Variants in CTNNBL1 observed in about 807,000 individuals in gnomAD.
The protein encoded by CTNNBL1 is catenin beta like 1.
Under a neutral mutation model 72.7 loss-of-function variants are expected in CTNNBL1, and 31 were observed. The ratio of observed to expected loss-of-function variants is 0.43; its 90% CI spans 0.32 to 0.58. The LOEUF (loss-of-function observed/expected upper bound fraction) is 0.58, where lower values mean the gene tolerates loss of function less well. Among genes scored for constraint, CTNNBL1 ranks in the 20% least tolerant of loss-of-function variants. CTNNBL1 has a pLI of 0.08. For synonymous variants in CTNNBL1, 240 were observed against 267.3 expected, an observed-to-expected ratio of 0.90 and a Z score of 1.00; for missense variants, 534 against 725.1, an observed-to-expected ratio of 0.74 and a Z score of 3.03.
At chr20:37,780,743 C>A (rs1278005279) in intron 10 of CTNNBL1, among the ~76,000 whole-genome samples, 1 of 152,176 alleles carries the variant, frequency 6.6e-6, no homozygotes, top group Non-Finnish European at 1.5e-5. Flanking sequence ...TAAGTCCTCA[C>A]TTAACATCAT....
intron 11 of CTNNBL1, chr20:37,832,385 G>T (rs1363830114): frequency 6.6e-6 from 1 of 152,182 alleles, no homozygotes; most frequent in Non-Finnish European, 1.5e-5. Flanking sequence ...CTCTTTTTCA[G>T]TACAACAGAT....
intron 11 of CTNNBL1, among the ~76,000 whole-genome samples, chr20:37,813,016 TA>T (rs397840102): frequency 2.7e-4 from 39 of 145,592 alleles, no homozygotes; most frequent in East Asian, 4.0e-4. Flanking sequence ...CAGCATGTAT[TA>T]AAAAAAAAAA....
intron 11 of CTNNBL1, among the ~76,000 whole-genome samples, chr20:37,839,307 TG>T (rs1223922600): frequency 1.3e-5 from 2 of 152,226 alleles, no homozygotes; most frequent in Non-Finnish European, 2.9e-5. Flanking sequence ...AACTGTTTGT[TG>T]TTCACACTGT....
intron 15 of CTNNBL1, among the ~76,000 whole-genome samples, chr20:37,868,879 T>C (rs919313598): frequency 1.3e-5 from 2 of 152,106 alleles, no homozygotes; most frequent in Non-Finnish European, 2.9e-5. Context: ...GAGCAAAGTG[T>C]TAGCTCAATC....
chr20:37,710,111 A>T (rs1333651790), intron 1 of CTNNBL1, among the ~76,000 whole-genome samples: 1 of 152,236 alleles, frequency 6.6e-6, no homozygotes, highest in Non-Finnish European at 1.5e-5. Flanking sequence ...GCTTTCTAAA[A>T]CATGAACATT....
chr20:37,761,710 A>G (rs2073419202), intron 5 of CTNNBL1, among the ~76,000 whole-genome samples: 1 of 152,106 alleles, frequency 6.6e-6, no homozygotes, highest in African/African-American at 2.4e-5. Context: ...TAAACAAGAA[A>G]ACTATCAGAG....
intron 4 of CTNNBL1, chr20:37,749,811 A>G (rs1395268661): frequency 2.0e-5 from 3 of 152,132 alleles, no homozygotes; most frequent in Non-Finnish European, 4.4e-5. Flanking sequence ...TCCCTGCAAC[A>G]TTGCACTCTG....
intron 1 of CTNNBL1, among the ~76,000 whole-genome samples, chr20:37,710,253 A>C (rs1006332114): frequency 6.6e-6 from 1 of 152,108 alleles, no homozygotes. Context: ...AATAGTAGGG[A>C]TTTTGAGTTC....
intron 13 of CTNNBL1, among the ~76,000 whole-genome samples, chr20:37,856,274 A>G (rs1164182285): frequency 1.3e-5 from 2 of 152,014 alleles, no homozygotes; most frequent in Admixed American, 1.3e-4. Context: ...AGATGAGCAC[A>G]GTACAGCTCT....
At chr20:37,758,416 T>C (rs1600469036) in intron 5 of CTNNBL1, among the ~76,000 whole-genome samples, 1 of 152,210 alleles carries the variant, frequency 6.6e-6, no homozygotes, top group Non-Finnish European at 1.5e-5. Context: ...GCAAACTGCC[T>C]TACATGTGAG....
chr20:37,816,018 TG>T (rs1284041136), intron 11 of CTNNBL1, among the ~76,000 whole-genome samples: 1 of 152,170 alleles, frequency 6.6e-6, no homozygotes, highest in Non-Finnish European at 1.5e-5. Flanking sequence ...CTTACTTGTT[TG>T]TTTTTTTTAT....
At chr20:37,758,715 T>C (rs1445299976) in intron 5 of CTNNBL1, among the ~76,000 whole-genome samples, 1 of 152,234 alleles carries the variant, frequency 6.6e-6, no homozygotes, top group Non-Finnish European at 1.5e-5. Flanking sequence ...CTTCTTCTGT[T>C]GTTTCTCTTG....
intron 13 of CTNNBL1, among the ~76,000 whole-genome samples, chr20:37,845,790 C>A (rs1195384245): frequency 6.6e-6 from 1 of 152,160 alleles, no homozygotes; most frequent in Non-Finnish European, 1.5e-5. Context: ...GAATTGAATG[C>A]TTATTTTTCA....
In CTNNBL1 at chr20:37,705,588, A is replaced by C. The variant is rs6020360; in HGVS notation, c.30+11436A>C. ...ACAGTTTGTTACCCACACATGCTAC[A>C]GTATAGAAATGTTCACAGTAGGTTA... On this transcript the variant is annotated intron_variant, in intron 1 of 15. Transcript: ENST00000361383. Among the ~76,000 whole-genome samples the C allele has an allele frequency of 4.5e-3, 687 of 152,320 alleles. 8 individuals are homozygous for C. Among genetic ancestry groups the C allele is most frequent in the East Asian group, 0.017 (89 of 5,190 alleles).
chr20:37,768,908 A>G (rs1215451907), intron 7 of CTNNBL1, among the ~76,000 whole-genome samples: 1 of 152,044 alleles, frequency 6.6e-6, no homozygotes, highest in Non-Finnish European at 1.5e-5. Flanking sequence ...CTTCCCGAGT[A>G]GCTGGGATTA....
chr20:37,719,882 C>T (rs1352908016), intron 1 of CTNNBL1, among the ~76,000 whole-genome samples: 3 of 150,514 alleles, frequency 2.0e-5, no homozygotes, highest in Non-Finnish European at 4.4e-5. Flanking sequence ...GCTCTGTTGC[C>T]CAGGCTGGAG....
chr20:37,746,644 C>T lies in CTNNBL1; in HGVS notation c.466+37C>T, dbSNP rs1052146689. The T allele has an allele frequency of 6.2e-6, 10 of 1,613,008 alleles. No homozygotes were observed. The African/African-American group carries it at 8.0e-5, about 13-fold the overall frequency. On this transcript the variant is annotated intron_variant, in intron 4 of 15. Coordinates refer to ENST00000361383, the MANE Select transcript of CTNNBL1 (RefSeq NM_030877.5). Reference sequence around the variant, plus strand: ...GATCTGACCTCAGTAGGAGAGCTGACATGGTGGGGAAGTGCTGTTACTCTT... The same window carrying T: ...GATCTGACCTCAGTAGGAGAGCTGATATGGTGGGGAAGTGCTGTTACTCTT...
rs2072477632 is a variant in CTNNBL1 at position 37,860,017 on chromosome 20, G to T, written c.1511G>T (p.Cys504Phe). The change falls in exon 14 of 16, where the codon TGC becomes TTC. Residue 504 changes from cysteine (C) to phenylalanine (F), a missense_variant. Transcript: ENST00000361383. ...ATCTGCTACATCATGGCCGAGATCT[G>T]CAATGCCAATGTCCCCCAGGTAGGA... ...QHICYIMAEI[C>F]NANVPQIRQR... The T allele has an allele frequency of 1.1e-5, 18 of 1,613,896 alleles. No homozygotes were observed. The highest frequency in any genetic ancestry group is 1.4e-5 in the Non-Finnish European group (17 of 1,179,936).
intron 2 of CTNNBL1, among the ~76,000 whole-genome samples, chr20:37,733,343 T>C (rs371173203): frequency 1.3e-5 from 2 of 152,102 alleles, no homozygotes; most frequent in South Asian, 2.1e-4. Flanking sequence ...TGAGGACACA[T>C]AGAAGGCACT....
Sources: allele counts gnomAD v4.1 joint callset (sites outside exome capture counted in the v4.1 genomes callset), GRCh38; gene constraint gnomAD v4.1.1; transcripts MANE v1.5; gene names NCBI Gene and HGNC (gene_info 2026-07-23, HGNC 2026-07-21).